The following SASH1 variants were observed in gnomAD, a reference collection of about 807,000 sequenced individuals.
SASH1 encodes the protein SAM and SH3 domain-containing protein 1.
In SASH1, 44 loss-of-function variants were observed where a neutral mutation model predicts 125.2. That is an observed-to-expected ratio of 0.35 (90% CI 0.28 to 0.45). The LOEUF (loss-of-function observed/expected upper bound fraction) is 0.45. SASH1 is among the 20% of genes least tolerant of loss of function. SASH1 has a pLI of 1.00. For synonymous variants in SASH1, 639 were observed against 649.1 expected, an observed-to-expected ratio of 0.98 and a Z score of 0.24; for missense variants, 1,426 against 1,614.5, an observed-to-expected ratio of 0.88 and a Z score of 2.00.
chr6:148,281,106 C>CTTTT (rs34144143), intron 1 of SASH1, among the ~76,000 whole-genome samples: 7 of 69,232 alleles, frequency 1.0e-4, no homozygotes, highest in Admixed American at 2.0e-4. Context: ...CCATGCCTAG[C>CTTTT]TTTTTTTTTT....
the SASH1 span, among the ~76,000 whole-genome samples, chr6:148,206,705 G>A: frequency 1.7e-4 from 25 of 151,122 alleles, no homozygotes; most frequent in East Asian, 1.2e-3. Context: ...CAGGAGAATC[G>A]CTTAAACCTG....
chr6:148,298,901 A>AAAGG (rs978692085), intron 1 of SASH1, among the ~76,000 whole-genome samples: 5 of 149,162 alleles, frequency 3.4e-5, no homozygotes, highest in Non-Finnish European at 6.0e-5. Flanking sequence ...GGGAAGGAAG[A>AAAGG]AAGGAAGGAA....
the SASH1 span, among the ~76,000 whole-genome samples, chr6:148,230,048 A>G: frequency 6.6e-6 from 1 of 152,046 alleles, no homozygotes; most frequent in Non-Finnish European, 1.5e-5. Context: ...CACAGTAACC[A>G]TCAGTAGTCA....
At chr6:148,541,526 G>A (rs746692428) in intron 17 of SASH1, among the ~76,000 whole-genome samples, 12 of 152,122 alleles carry the variant, frequency 7.9e-5, no homozygotes, top group East Asian at 3.9e-4. Context: ...GTTTGTGCTT[G>A]TGTACATGCA....
chr6:148,221,131 G>A, the SASH1 span, among the ~76,000 whole-genome samples: 1 of 152,126 alleles, frequency 6.6e-6, no homozygotes, highest in East Asian at 1.9e-4. Context: ...TCTTACTGCA[G>A]ATTGAATTGC....
rs541467542 is a variant in SASH1, at chr6:148,356,868, G to T, written c.156+13645G>T. 5.9e-5 allele frequency among the ~76,000 whole-genome samples: 9 copies of T among 152,216 alleles called. No individual in the cohort carries two copies. In the East Asian group the frequency reaches 1.4e-3, roughly 23 times the overall value. On this transcript the variant is annotated intron_variant, in intron 1 of 19. Coordinates refer to ENST00000367467, the MANE Select transcript of SASH1 (RefSeq NM_015278.5). ...TCCATACCCACATCTGTTATTTTTTGATTATGGCCATTCTTGCAGAAGTAA... is the reference window on the plus strand; with the variant it reads ...TCCATACCCACATCTGTTATTTTTTTATTATGGCCATTCTTGCAGAAGTAA...
At chr6:148,397,862 C>G (rs918996989) in intron 2 of SASH1, among the ~76,000 whole-genome samples, 2 of 152,160 alleles carry the variant, frequency 1.3e-5, no homozygotes, top group African/African-American at 4.8e-5. Context: ...GAATCACAGA[C>G]AAAATATGTA....
intron 2 of SASH1, among the ~76,000 whole-genome samples, chr6:148,432,711 C>T (rs924021632): frequency 6.6e-6 from 1 of 152,182 alleles, no homozygotes; most frequent in Admixed American, 6.5e-5. Context: ...CTGTGAAGTT[C>T]ATTTGGCTTG....
At chr6:148,428,758 A>T (rs1366046892) in intron 2 of SASH1, among the ~76,000 whole-genome samples, 1 of 152,182 alleles carries the variant, frequency 6.6e-6, no homozygotes, top group Non-Finnish European at 1.5e-5. Context: ...AAATTCACTG[A>T]TCCCTTAATT....
intron 16 of SASH1, among the ~76,000 whole-genome samples, chr6:148,537,099 A>T (rs1396631817): frequency 1.3e-5 from 2 of 152,218 alleles, no homozygotes; most frequent in Non-Finnish European, 2.9e-5. Flanking sequence ...AGTGCCTCTA[A>T]CTGATAACAT....
chr6:148,362,580 G>T (rs1782279853), intron 1 of SASH1, among the ~76,000 whole-genome samples: 1 of 151,594 alleles, frequency 6.6e-6, no homozygotes, highest in African/African-American at 2.4e-5. Context: ...TGAGGTGAGG[G>T]TGAGGGTGTG....
chr6:148,517,455 C>T (rs9498056), intron 9 of SASH1, among the ~76,000 whole-genome samples: 4,043 of 152,240 alleles, frequency 0.027, 185 homozygotes, highest in African/African-American at 0.092. Context: ...GGAGTGAGCT[C>T]ATCTTGATGG....
At chr6:148,334,484 G>A (rs1233953497) in intron 1 of SASH1, among the ~76,000 whole-genome samples, 1 of 149,046 alleles carries the variant, frequency 6.7e-6, no homozygotes, top group African/African-American at 2.5e-5. Context: ...TGATGGTAAT[G>A]GAGGTGAAGG....
intron 8 of SASH1, chr6:148,508,970 C>T: frequency 3.3e-6 from 2 of 597,236 alleles, no homozygotes; most frequent in South Asian, 1.5e-5. Flanking sequence ...TGATGTTTCT[C>T]TCTCTTTTCT....
At chr6:148,193,730 T>C in the SASH1 span, among the ~76,000 whole-genome samples, 8 of 152,256 alleles carry the variant, frequency 5.3e-5, 1 homozygote, top group South Asian at 4.1e-4. Context: ...CAAAGGATTG[T>C]ACTCTTGCTT....
At chr6:148,269,871 T>G (rs563422461), upstream of SASH1, among the ~76,000 whole-genome samples, 13 of 152,340 alleles carry the variant, frequency 8.5e-5, no homozygotes, top group African/African-American at 2.9e-4. Context: ...AAAGAAAACC[T>G]TAATTGTGAC....
intron 8 of SASH1, chr6:148,508,783 C>T: frequency 7.9e-7 from 1 of 1,262,306 alleles, no homozygotes; most frequent in Non-Finnish European, 1.0e-6. Flanking sequence ...GAGTTTGATG[C>T]TACAAGAGTG....
At position 148,279,984 on chromosome 6, in the gene SASH1, C is replaced by CAA. The variant is rs34727631; in HGVS notation, n.74+7621_74+7622dup. On this transcript the variant is annotated intron_variant and non_coding_transcript_variant, in intron 1 of 3. Coordinates refer to the SASH1 transcript ENST00000367469. ...CCTGGGTGGCAGTGAGACCATGTCT[C>CAA]AAAAAAAAAAAAAAATCCTCCCCCT... is the stretch of plus-strand genomic sequence containing the variant. Among the ~76,000 whole-genome samples, 917 of 116,894 alleles carry CAA rather than the reference C, an allele frequency of 7.8e-3. 12 individuals are homozygous for CAA. The highest frequency in any genetic ancestry group is 0.027 in the Middle Eastern group (6 of 222). The allele number at this position is 116,894 out of a possible 152,430, so 76.7% of individuals were successfully genotyped here.
At chr6:148,218,876 A>G in the SASH1 span, among the ~76,000 whole-genome samples, 1 of 152,212 alleles carries the variant, frequency 6.6e-6, no homozygotes. Flanking sequence ...TCCTTAATGA[A>G]AAGGATCTTG....
Sources: allele counts gnomAD v4.1 joint callset (sites outside exome capture counted in the v4.1 genomes callset), GRCh38; gene constraint gnomAD v4.1.1; transcripts MANE v1.5; gene names NCBI Gene and HGNC (gene_info 2026-07-23, HGNC 2026-07-21).